Variants in NRXN3 observed in about 807,000 individuals in gnomAD.
NRXN3 encodes the protein neurexin 3.
Under a neutral mutation model 137.6 loss-of-function variants are expected in NRXN3, and 32 were observed. That is an observed-to-expected ratio of 0.23 (90% CI 0.18 to 0.31). The LOEUF (loss-of-function observed/expected upper bound fraction) is 0.31. Ranked by LOEUF, NRXN3 falls within the 10% of genes least tolerant of loss-of-function variation. The pLI, the probability that NRXN3 is intolerant of heterozygous loss-of-function variation, is 1.00. For missense variants in NRXN3, 1,574 were observed against 2,062.5 expected, an observed-to-expected ratio of 0.76 and a Z score of 4.59; for synonymous variants, 798 against 784.5, an observed-to-expected ratio of 1.02 and a Z score of -0.29.
chr14:79,471,397 A>G (rs1415437760), intron 16 of NRXN3, among the ~76,000 whole-genome samples: 1 of 152,214 alleles, frequency 6.6e-6, no homozygotes, highest in Non-Finnish European at 1.5e-5. Context: ...AACGTGCACT[A>G]CACATTCATC....
chr14:78,782,317 T>C (rs1261328862), intron 8 of NRXN3, among the ~76,000 whole-genome samples: 2 of 152,220 alleles, frequency 1.3e-5, no homozygotes. Flanking sequence ...AAGATTTTAC[T>C]TGTGGTTTAA....
At chr14:78,441,805 A>G (rs1459866507) in intron 4 of NRXN3, among the ~76,000 whole-genome samples, 1 of 152,166 alleles carries the variant, frequency 6.6e-6, no homozygotes, top group Non-Finnish European at 1.5e-5. Context: ...CGTTTATGTA[A>G]GAAATACATA....
chr14:79,709,436 T>C (rs191920007), intron 19 of NRXN3, among the ~76,000 whole-genome samples: 277 of 152,270 alleles, frequency 1.8e-3, no homozygotes, highest in African/African-American at 6.3e-3. Flanking sequence ...ATGCCCCTTC[T>C]TCCTGTCCCT....
At chr14:78,425,580 C>T (rs2093631180) in intron 4 of NRXN3, among the ~76,000 whole-genome samples, 1 of 152,166 alleles carries the variant, frequency 6.6e-6, no homozygotes, top group African/African-American at 2.4e-5. Context: ...TGACTAAACC[C>T]TCTGCATTCC....
intron 4 of NRXN3, among the ~76,000 whole-genome samples, chr14:78,333,623 TAGAG>T (rs1166641766): frequency 6.6e-6 from 1 of 152,124 alleles, no homozygotes; most frequent in African/African-American, 2.4e-5. Context: ...ATAAGGCAGT[TAGAG>T]AGACCTCACT....
At chr14:78,336,090 C>A (rs1035765994) in intron 4 of NRXN3, among the ~76,000 whole-genome samples, 1 of 152,180 alleles carries the variant, frequency 6.6e-6, no homozygotes, top group African/African-American at 2.4e-5. Flanking sequence ...CTCCTCCCCA[C>A]CCCCATAGAG....
At chr14:79,513,591 C>T (rs1370520741) in intron 16 of NRXN3, among the ~76,000 whole-genome samples, 1 of 152,240 alleles carries the variant, frequency 6.6e-6, no homozygotes, top group African/African-American at 2.4e-5. Context: ...TTCAATAGTA[C>T]TTTCACATTC....
intron 4 of NRXN3, chr14:78,614,897 G>C: frequency 6.6e-6 from 3 of 454,368 alleles, no homozygotes; most frequent in South Asian, 4.7e-5. Flanking sequence ...TCAGCAGCTA[G>C]TGGAACTCTA....
chr14:78,620,907 C>G (rs1479605403), intron 4 of NRXN3, among the ~76,000 whole-genome samples: 3 of 152,026 alleles, frequency 2.0e-5, no homozygotes, highest in African/African-American at 2.4e-5. Flanking sequence ...CCTCAACTAC[C>G]CAGGAAGGAC....
rs375324886 is a variant in NRXN3, at chr14:79,127,019, A to G, written c.3262+138878A>G. On this transcript the variant is annotated intron_variant, in intron 15 of 20. Coordinates refer to ENST00000335750, the MANE Select transcript of NRXN3 (RefSeq NM_001330195.2). Reference sequence around the variant, plus strand: ...TGTCCTTTGCCCACTTTTTGATGGGATTGTTTGTTTTTTTCTTGTAAATTT... The same window carrying G: ...TGTCCTTTGCCCACTTTTTGATGGGGTTGTTTGTTTTTTTCTTGTAAATTT... Among the ~76,000 whole-genome samples the G allele has an allele frequency of 1.3e-4, 20 of 151,226 alleles. No individual in the cohort carries two copies. The South Asian group carries it at 1.7e-3, about 13-fold the overall frequency.
At chr14:79,599,390 C>A (rs2097898390) in intron 16 of NRXN3, among the ~76,000 whole-genome samples, 1 of 152,148 alleles carries the variant, frequency 6.6e-6, no homozygotes, top group Non-Finnish European at 1.5e-5. Context: ...TTAAAACTAC[C>A]TTGTTCTACT....
intron 4 of NRXN3, among the ~76,000 whole-genome samples, chr14:78,307,286 T>A (rs2153538478): frequency 6.6e-6 from 1 of 152,278 alleles, no homozygotes; most frequent in East Asian, 1.9e-4. Context: ...AAGGTTCCAT[T>A]GTGACCCTTT....
chr14:79,283,491 C>T lies in NRXN3; in HGVS notation c.3263-183730C>T, dbSNP rs375719218. On this transcript the variant is annotated intron_variant, in intron 15 of 20. Transcript: ENST00000335750. ...CTCCAAATAGCTGATATTTTACCTACACTTTTGCCTGTGCTTGGTTCCAAG... is the reference window on the plus strand; with the variant it reads ...CTCCAAATAGCTGATATTTTACCTATACTTTTGCCTGTGCTTGGTTCCAAG... Among the ~76,000 whole-genome samples, 9 of 152,290 alleles carry T rather than the reference C, an allele frequency of 5.9e-5. No homozygotes were observed. In the East Asian group the frequency reaches 1.7e-3, roughly 29 times the overall value.
chr14:78,176,752 G>C (rs10131942), intron 1 of NRXN3, among the ~76,000 whole-genome samples: 29,268 of 151,980 alleles, frequency 0.19, 3,082 homozygotes, highest in African/African-American at 0.28. Flanking sequence ...CATGCTGCCT[G>C]GTGGGCTGTG....
At chr14:78,646,720 A>C (rs1395809861) in intron 5 of NRXN3, among the ~76,000 whole-genome samples, 1 of 152,202 alleles carries the variant, frequency 6.6e-6, no homozygotes, top group African/African-American at 2.4e-5. Flanking sequence ...TAGAGTCCCC[A>C]AGCATCTTGA....
chr14:79,727,893 CT>C (rs1310556621), intron 19 of NRXN3, among the ~76,000 whole-genome samples: 2 of 152,142 alleles, frequency 1.3e-5, no homozygotes, highest in Non-Finnish European at 2.9e-5. Context: ...GACTAGGATT[CT>C]TCTGTCACCT....
chr14:79,395,469 A>G (rs985668134), intron 15 of NRXN3, among the ~76,000 whole-genome samples: 4 of 152,134 alleles, frequency 2.6e-5, no homozygotes, highest in South Asian at 4.1e-4. Flanking sequence ...AGCTAAGCCT[A>G]GTAAAAGATG....
In NRXN3 at chr14:78,568,961, G is replaced by GTTTT. The variant is rs34485878; in HGVS notation, c.758-76138_758-76135dup. ...TGTGGTGGGAAATATGACTTTGCAGGTTTTTTTTTTTTTTTTTTTTTTTTG... is the reference window on the plus strand; with the variant it reads ...TGTGGTGGGAAATATGACTTTGCAGGTTTTTTTTTTTTTTTTTTTTTTTTTTTTG... On this transcript the variant is annotated intron_variant, in intron 4 of 20. Transcript: ENST00000335750. Among the ~76,000 whole-genome samples the GTTTT allele has an allele frequency of 2.5e-3, 264 of 103,732 alleles. 6 individuals carry two copies. Among genetic ancestry groups the GTTTT allele is most frequent in the East Asian group, 9.7e-3 (33 of 3,408 alleles). The allele number at this position is 103,732 out of a possible 152,430, so 68.1% of individuals were successfully genotyped here.
intron 2 of NRXN3, among the ~76,000 whole-genome samples, chr14:78,264,353 C>T (rs1011522921): frequency 6.6e-6 from 1 of 152,190 alleles, no homozygotes; most frequent in Non-Finnish European, 1.5e-5. Context: ...AGTTCCAAGC[C>T]TCTTGACTTC....
Sources: allele counts gnomAD v4.1 joint callset (sites outside exome capture counted in the v4.1 genomes callset), GRCh38; gene constraint gnomAD v4.1.1; transcripts MANE v1.5; gene names NCBI Gene and HGNC (gene_info 2026-07-23, HGNC 2026-07-21).